BACE1: variants seen among roughly 807,000 people sequenced by gnomAD.
BACE1 encodes the protein beta-secretase 1, also known as APP beta-secretase.
In BACE1, 21 loss-of-function variants were observed where a neutral mutation model predicts 54.0. The observed-to-expected ratio is 0.39, with a 90% confidence interval of 0.28 to 0.56. BACE1 has a LOEUF of 0.56. BACE1 is among the 20% of genes least tolerant of loss of function. The probability of loss-of-function intolerance (pLI) is 0.63; values close to 1 mark genes in which losing one functional copy is unlikely to be tolerated. For missense variants in BACE1, 511 were observed against 661.2 expected, an observed-to-expected ratio of 0.77 and a Z score of 2.49; for synonymous variants, 232 against 260.9, an observed-to-expected ratio of 0.89 and a Z score of 1.07.
chr11:117,315,837 C>A lies in BACE1; in HGVS notation c.-42G>T. 7.3e-7 allele frequency: 1 copy of A among 1,373,922 alleles called. No individual in the cohort carries two copies. The highest frequency in any genetic ancestry group is 9.3e-7 in the Non-Finnish European group (1 of 1,071,518). 85.1% of individuals were successfully genotyped at this position (1,373,922 alleles called of 1,614,324 possible). A position where few individuals can be genotyped will look rare whatever the true frequency, so the allele number is the denominator to read the frequency against. ...CGGGCCCTCTGGGCTCGCACTGGCCCACGTCCGTCCCTGGCGCCTGCCCCC... is the reference window on the plus strand; with the variant it reads ...CGGGCCCTCTGGGCTCGCACTGGCCAACGTCCGTCCCTGGCGCCTGCCCCC... On this transcript the variant is annotated 5_prime_UTR_variant, in exon 1 of 9. Coordinates refer to ENST00000313005, the MANE Select transcript of BACE1 (RefSeq NM_012104.6). The surrounding 1 kb of genome is among the most constrained non-coding windows in gnomAD (Gnocchi z 5.5).
Position 117,291,747 on chromosome 11 carries a change from C to G in BACE1, c.907G>C (p.Glu303Gln). The change falls in exon 6 of 9, where the codon GAA becomes CAA. Residue 303 changes from glutamate (E) to glutamine (Q), a missense_variant. By Grantham distance (29) the Glu-to-Gln change is conservative. Coordinates refer to ENST00000313005, the MANE Select transcript of BACE1 (RefSeq NM_012104.6). ...TNLRLPKKVF[E>Q]AAVKSIKAAS... is the part of the protein sequence containing the mutation. ...GCCTTGATGGATTTGACTGCAGCTT[C>G]AAACACTTTCTTGGGCAAACGAAGG... 6.2e-7 allele frequency: 1 copy of G among 1,613,648 alleles called. No individual in the cohort carries two copies. Among genetic ancestry groups the G allele is most frequent in the Non-Finnish European group, 8.5e-7 (1 of 1,179,632 alleles).
At position 117,315,412 on chromosome 11, in the gene BACE1, G is replaced by A; in HGVS notation, c.261+123C>T. Reference sequence around the variant, plus strand: ...CCACGTGACCCCCGGGGAATGGCTGGGGAGGGGTCCCTCCTGCTGTCCCCA... The same window carrying A: ...CCACGTGACCCCCGGGGAATGGCTGAGGAGGGGTCCCTCCTGCTGTCCCCA... On this transcript the variant is annotated intron_variant, in intron 1 of 8. Transcript: ENST00000313005. This position sits in a 1 kb window ranked among gnomAD's most constrained non-coding sequence, Gnocchi z 5.5. 1 of 1,324,622 alleles carries A rather than the reference G, an allele frequency of 7.5e-7. No individual in the cohort carries two copies. 82.1% of individuals were successfully genotyped at this position (1,324,622 alleles called of 1,614,324 possible).
At chr11:117,313,823 G>A (rs1408991212) in intron 1 of BACE1, among the ~76,000 whole-genome samples, 1 of 152,174 alleles carries the variant, frequency 6.6e-6, no homozygotes, top group African/African-American at 2.4e-5. Context: ...AGGATAAAGT[G>A]ACTTCATATT....
chr11:117,303,823 G>T (rs2034775080), intron 1 of BACE1, among the ~76,000 whole-genome samples: 1 of 152,174 alleles, frequency 6.6e-6, no homozygotes, highest in East Asian at 1.9e-4. Flanking sequence ...CTATATTCTT[G>T]CATAACAAGG....
At chr11:117,297,674 G>A (rs1468890077) in intron 1 of BACE1, among the ~76,000 whole-genome samples, 1 of 152,092 alleles carries the variant, frequency 6.6e-6, no homozygotes, top group African/African-American at 2.4e-5. Flanking sequence ...AGGGATAAAC[G>A]GAGGCCAGGC....
At position 117,302,343 on chromosome 11, in the gene BACE1, C is replaced by T. The variant is rs752840085; in HGVS notation, c.262-5382G>A. Among the ~76,000 whole-genome samples, 112 of 151,838 alleles carry T rather than the reference C, an allele frequency of 7.4e-4. 1 individual carries two copies. The highest frequency in any genetic ancestry group is 1.3e-3 in the Non-Finnish European group (89 of 67,926). On this transcript the variant is annotated intron_variant, in intron 1 of 8. Transcript: ENST00000313005. ...GCAAGATTCTGTCTCAAAAACAAAACAAAACAAAACAAAACAAAACCAACC... is the reference window on the plus strand; with the variant it reads ...GCAAGATTCTGTCTCAAAAACAAAATAAAACAAAACAAAACAAAACCAACC...
chr11:117,290,656 A>G lies in BACE1; in HGVS notation c.1096T>C (p.Tyr366His). The G allele has an allele frequency of 1.2e-6, 2 of 1,613,952 alleles. No individual in the cohort carries two copies. Among genetic ancestry groups the G allele is most frequent in the African/African-American group, 1.3e-5 (1 of 75,042 alleles). Residue 366 changes from tyrosine (Y) to histidine (H), a missense_variant, in exon 8 of 9, where the codon TAC becomes CAC. Physicochemically the swap from Tyr to His is moderately conservative, Grantham distance 83. This residue lies in a region of BACE1 where 407 missense variants were observed against 565.7 expected (regional missense o/e 0.72). Coordinates refer to ENST00000313005, the MANE Select transcript of BACE1 (RefSeq NM_012104.6). ...SFRITILPQQ[Y>H]LRPVEDVATS... is the part of the protein sequence containing the mutation. ...GCCACATCTTCCACTGGCCGCAGGT[A>G]TTGCTAGGGGTAAGCAATCACAGGG...
At chr11:117,298,306 A>G (rs953624515) in intron 1 of BACE1, among the ~76,000 whole-genome samples, 3 of 152,126 alleles carry the variant, frequency 2.0e-5, no homozygotes, top group Admixed American at 6.5e-5. Flanking sequence ...TCTCAAAAAA[A>G]AAAAGAAAAG....
At position 117,296,798 on chromosome 11, in the gene BACE1, G is replaced by C. The variant is rs1049311821; in HGVS notation, c.350+75C>G. The C allele has an allele frequency of 9.4e-6, 11 of 1,167,480 alleles. No homozygotes were observed. The African/African-American group carries it at 1.4e-4, about 15-fold the overall frequency. 72.3% of individuals were successfully genotyped at this position (1,167,480 alleles called of 1,614,324 possible). A position where few individuals can be genotyped will look rare whatever the true frequency, so the allele number is the denominator to read the frequency against. On this transcript the variant is annotated intron_variant, in intron 2 of 8. Coordinates refer to ENST00000313005, the MANE Select transcript of BACE1 (RefSeq NM_012104.6). ...ATCTGAGGATCAACTCTTTCTCTCT[G>C]TACCCCTCCCCTGACCCTTCTTAGC...
intron 5 of BACE1, chr11:117,292,764 A>G (rs943242087): frequency 1.5e-5 from 4 of 272,940 alleles, no homozygotes; most frequent in African/African-American, 2.2e-5. Flanking sequence ...TCTTCATTCT[A>G]TCACCCTGTC....
rs757501764 is a variant in BACE1 at position 117,296,974 on chromosome 11, G to T, written c.262-13C>A. The T allele has an allele frequency of 6.2e-7, 1 of 1,609,100 alleles. No homozygotes were observed. Among genetic ancestry groups the T allele is most frequent in the South Asian group, 1.1e-5 (1 of 90,902 alleles). On this transcript the variant is annotated splice_polypyrimidine_tract_variant and intron_variant, in intron 1 of 8. Transcript: ENST00000313005. The stretch of plus-strand genomic sequence containing the variant: ...CCAGGATGTTGAGCTGTCAGAGAAA[G>T]GGGAGAGAAAAGACAGTATAGACAG...
intron 1 of BACE1, among the ~76,000 whole-genome samples, chr11:117,311,032 G>C (rs1362081287): frequency 6.6e-6 from 1 of 150,560 alleles, no homozygotes; most frequent in East Asian, 2.0e-4. Context: ...TGACAAGCTG[G>C]AGATTGCAGT....
Position 117,291,035 on chromosome 11 carries a change from A to C in BACE1, c.957T>G (p.Pro319=). 3 of 1,614,178 alleles carry C rather than the reference A, an allele frequency of 1.9e-6. No homozygotes were observed. Among genetic ancestry groups the C allele is most frequent in the Non-Finnish European group, 2.5e-6 (3 of 1,180,034 alleles). The change falls in exon 7 of 9, where the codon CCT becomes CCG. Residue 319 remains proline, a synonymous_variant. Transcript: ENST00000313005. ...IKAASSTEKF[P]DGFWLGEQLV... ...GCTGCTCTCCTAGCCAGAAACCATCAGGGAACTTCTCCGTCTGTGTTGGCA... is the reference window on the plus strand; with the variant it reads ...GCTGCTCTCCTAGCCAGAAACCATCCGGGAACTTCTCCGTCTGTGTTGGCA...
chr11:117,299,573 C>T, intron 1 of BACE1: 1 of 334,380 alleles, frequency 3.0e-6, no homozygotes, highest in South Asian at 2.2e-5. Flanking sequence ...GCCCTCAGAC[C>T]TTGTCTCCTC....
At chr11:117,307,178 G>C (rs2034849217) in intron 1 of BACE1, among the ~76,000 whole-genome samples, 1 of 152,170 alleles carries the variant, frequency 6.6e-6, no homozygotes, top group South Asian at 2.1e-4. Context: ...TCTCAGGGCA[G>C]CTCCAGAACT....
chr11:117,293,408 T>G lies in BACE1; in HGVS notation c.706-220A>C. ...TTTCCGGGATTTTTAATTATTTGTT[T>G]CAGAATCATACAGCCCTTGATATAA... is the stretch of plus-strand genomic sequence containing the variant. On this transcript the variant is annotated intron_variant, in intron 4 of 8. Transcript: ENST00000313005. This position sits in a 1 kb window ranked among gnomAD's most constrained non-coding sequence, Gnocchi z 4.1. 2.2e-6 allele frequency: 1 copy of G among 447,012 alleles called. No individual in the cohort carries two copies. The highest frequency in any genetic ancestry group is 4.1e-5 in the Admixed American group (1 of 24,328). 27.7% of individuals were successfully genotyped at this position (447,012 alleles called of 1,614,324 possible). A position where few individuals can be genotyped will look rare whatever the true frequency, so the allele number is the denominator to read the frequency against.
rs184611462 is a variant in BACE1 at position 117,308,269 on chromosome 11, T to C, written c.261+7266A>G. 4.4e-3 allele frequency among the ~76,000 whole-genome samples: 674 copies of C among 152,330 alleles called. 4 individuals carry two copies. The highest frequency in any genetic ancestry group is 7.7e-3 in the Non-Finnish European group (522 of 68,028). The stretch of plus-strand genomic sequence containing the variant: ...TCATTTTCTCTTGCTCCCTTGTCTA[T>C]ACCTAATATTCTTTTCCTAATCATT... On this transcript the variant is annotated intron_variant, in intron 1 of 8. Transcript: ENST00000313005.
At chr11:117,312,983 T>C (rs922974136) in intron 1 of BACE1, among the ~76,000 whole-genome samples, 1 of 152,224 alleles carries the variant, frequency 6.6e-6, no homozygotes, top group African/African-American at 2.4e-5. Flanking sequence ...ACATGTCTTC[T>C]TGTCTCTTTG....
Position 117,290,565 on chromosome 11 carries a change from G to A in BACE1, c.1187C>T (p.Ala396Val). 1 of 1,614,218 alleles carries A rather than the reference G, an allele frequency of 6.2e-7. No individual in the cohort carries two copies. The highest frequency in any genetic ancestry group is 8.5e-7 in the Non-Finnish European group (1 of 1,180,050). The change falls in exon 8 of 9, where the codon GCT becomes GTT. Residue 396 changes from alanine to valine, a missense_variant. Around this residue, in one of 2 missense-constraint regions of BACE1, gnomAD observed 407 missense variants for 565.7 expected, o/e 0.72. Transcript: ENST00000313005. ...AACGTAGAAGCCCTCCATGATAACAGCTCCCATAACAGTGCCCGTGGATGA... is the reference window on the plus strand; with the variant it reads ...AACGTAGAAGCCCTCCATGATAACAACTCCCATAACAGTGCCCGTGGATGA... ...SQSSTGTVMG[A>V]VIMEGFYVVF...
Sources: gnomAD v4.1 joint callset for allele counts (sites outside exome capture counted in the v4.1 genomes callset) on GRCh38, gnomAD v4.1.1 for gene constraint, gnomAD v4.1.1 regional missense constraint, Gnocchi (gnomAD v3.1) non-coding constraint, MANE v1.5 for transcripts, NCBI Gene and HGNC (gene_info 2026-07-23, HGNC 2026-07-21) for gene names.